The following APC variants were observed in gnomAD, a reference collection of about 807,000 sequenced individuals.
APC encodes adenomatous polyposis coli protein.
In APC, 72 loss-of-function variants were observed where a neutral mutation model predicts 247.0. The ratio of observed to expected loss-of-function variants is 0.29; its 90% CI spans 0.24 to 0.35. The LOEUF (loss-of-function observed/expected upper bound fraction) is 0.35, where lower values mean the gene tolerates loss of function less well. APC is among the 10% of genes least tolerant of loss of function. APC has a pLI of 1.00. For missense variants in APC, 3,400 were observed against 3,360.7 expected (o/e 1.01, Z -0.29); for synonymous variants, 1,254 against 1,162.5 (o/e 1.08, Z -1.60).
chr5:112,749,424 G>A (rs756699844), intron 1 of APC, among the ~76,000 whole-genome samples: 1 of 151,434 alleles, frequency 6.6e-6, no homozygotes, highest in Non-Finnish European at 1.5e-5. Context: ...ATTCAGATAC[G>A]GTATTTTGAA....
At chr5:112,713,462 G>A (rs1038172547) in intron 1 of APC, among the ~76,000 whole-genome samples, 2 of 152,136 alleles carry the variant, frequency 1.3e-5, no homozygotes, top group South Asian at 2.1e-4. Context: ...CTGGCGTGCC[G>A]CTGCTTTAAT....
intron 4 of APC, 144 bp from the exon 5 acceptor site, chr5:112,775,485 T>G (rs1258162682): frequency 5.4e-6 from 3 of 558,998 alleles, no homozygotes; most frequent in African/African-American, 1.9e-5. Context: ...CTTTAAAAAT[T>G]GAAATCAATG....
At chr5:112,784,476 A>G (rs1006571452) in intron 6 of APC, among the ~76,000 whole-genome samples, 3 of 152,228 alleles carry the variant, frequency 2.0e-5, no homozygotes, top group East Asian at 3.8e-4. Flanking sequence ...GTGTGTTTCT[A>G]TAGGACTTCT....
At chr5:112,752,106 T>C (rs895377328) in intron 1 of APC, among the ~76,000 whole-genome samples, 5 of 152,120 alleles carry the variant, frequency 3.3e-5, no homozygotes, top group Non-Finnish European at 5.9e-5. Flanking sequence ...TTCTAGTAAA[T>C]TATTTTGGGT....
In APC at chr5:112,819,193, C is replaced by T. The variant is rs1762846371; in HGVS notation, c.1161C>T (p.Leu387=). The T allele has an allele frequency of 6.2e-7, 1 of 1,613,976 alleles. No individual in the cohort carries two copies. Among genetic ancestry groups the T allele is most frequent in the Non-Finnish European group, 8.5e-7 (1 of 1,179,970 alleles). ...KEARARASAA[L]HNIIHSQPDD... is the part of the protein sequence containing the mutation. Reference sequence around the variant, plus strand: ...CTCGGGCCAGGGCCAGTGCAGCACTCCACAACATCATTCACTCACAGCCTG... The same window carrying T: ...CTCGGGCCAGGGCCAGTGCAGCACTTCACAACATCATTCACTCACAGCCTG... Residue 387 remains leucine (L), a synonymous_variant, in exon 10 of 16, where the codon CTC becomes CTT. Coordinates refer to ENST00000257430, the MANE Select transcript of APC (RefSeq NM_000038.6).
Position 112,819,342 on chromosome 5 carries a change from C to G in APC, c.1310C>G (p.Pro437Arg), listed in dbSNP as rs762936223. 4 of 1,613,964 alleles carry G rather than the reference C, an allele frequency of 2.5e-6. No individual in the cohort carries two copies. The highest frequency in any genetic ancestry group is 3.4e-6 in the Non-Finnish European group (4 of 1,179,928). The change falls in exon 10 of 16, where the codon CCA becomes CGA. Residue 437 changes from proline (P) to arginine (R), a missense_variant and splice_region_variant. Physicochemically the swap from Pro to Arg is moderately radical, Grantham distance 103. Transcript: ENST00000257430. ...HEPGMDQDKNPMPAPVEHQIC... is the reference protein window; with the variant it reads ...HEPGMDQDKNRMPAPVEHQIC... ...CCAGGCATGGACCAGGACAAAAATC[C>G]AAGTATGTTCTCTATAGTGTACATC... is the stretch of plus-strand genomic sequence containing the variant.
chr5:112,708,774 ATTG>A (rs1382936943), intron 1 of APC, among the ~76,000 whole-genome samples: 1 of 152,166 alleles, frequency 6.6e-6, no homozygotes, highest in Non-Finnish European at 1.5e-5. Flanking sequence ...TGTATTCTCG[ATTG>A]TTGTTACTGT....
chr5:112,773,908 C>T (rs1325551527), intron 4 of APC, among the ~76,000 whole-genome samples: 3 of 152,048 alleles, frequency 2.0e-5, no homozygotes, highest in Non-Finnish European at 2.9e-5. Context: ...ACCAGTGATA[C>T]ACCATTTAAA....
chr5:112,775,636 C>T lies in APC; in HGVS notation c.430C>T (p.Leu144Phe), dbSNP rs2149614495. ...LEELEKERSLLLADLDKEEKE... is the reference protein window; with the variant it reads ...LEELEKERSLFLADLDKEEKE... ...TTAAAAAAAAAAAAATAGGTCATTG[C>T]TTCTTGCTGATCTTGACAAAGAAGA... is the stretch of plus-strand genomic sequence containing the variant. The change falls in exon 5 of 16, where the codon CTT becomes TTT. Residue 144 changes from leucine (L) to phenylalanine (F), a missense_variant. Around this residue, in one of 9 missense-constraint regions of APC, gnomAD observed 372 missense variants for 367.6 expected, o/e 1.01. Coordinates refer to ENST00000257430, the MANE Select transcript of APC (RefSeq NM_000038.6). 6.3e-7 allele frequency: 1 copy of T among 1,595,078 alleles called. No homozygotes were observed. Among genetic ancestry groups the T allele is most frequent in the Non-Finnish European group, 8.6e-7 (1 of 1,168,272 alleles).
rs1554086321 is a variant in APC at position 112,840,526 on chromosome 5, T to G, written c.4932T>G (p.Val1644=). ...PGDDMPRVYC[V]EGTPINFSTA... ...ATGATATGCCACGGGTGTATTGTGT[T>G]GAAGGGACACCTATAAACTTTTCCA... Residue 1644 remains valine, a synonymous_variant, in exon 16 of 16, where the codon GTT becomes GTG. Coordinates refer to ENST00000257430, the MANE Select transcript of APC (RefSeq NM_000038.6). The surrounding 1 kb of genome is among the most constrained non-coding windows in gnomAD (Gnocchi z 4.1). 1 of 1,614,170 alleles carries G rather than the reference T, an allele frequency of 6.2e-7. No homozygotes were observed. The highest frequency in any genetic ancestry group is 8.5e-7 in the Non-Finnish European group (1 of 1,180,014).
intron 10 of APC, among the ~76,000 whole-genome samples, 192 bp downstream of exon 10, chr5:112,819,536 A>G (rs568271856): frequency 6.6e-6 from 1 of 152,326 alleles, no homozygotes; most frequent in East Asian, 1.9e-4. Flanking sequence ...GGAAAATGTT[A>G]TGTGCACTAC....
rs1184346867 is a variant in APC, at chr5:112,845,304, C to G, written c.*1178C>G. The G allele has an allele frequency of 4.3e-6, 1 of 232,616 alleles. No individual in the cohort carries two copies. The highest frequency in any genetic ancestry group is 8.5e-6 in the Non-Finnish European group (1 of 117,480). 14.4% of individuals were successfully genotyped at this position (232,616 alleles called of 1,614,324 possible). ...TTCATGTAATAGCAATGCAAGCAGCCTAGCACAGACTAAGCATTGAGCATA... is the reference window on the plus strand; with the variant it reads ...TTCATGTAATAGCAATGCAAGCAGCGTAGCACAGACTAAGCATTGAGCATA... On this transcript the variant is annotated 3_prime_UTR_variant, in exon 16 of 16. Transcript: ENST00000257430.
chr5:112,802,754 A>G (rs920139450), intron 8 of APC, among the ~76,000 whole-genome samples: 6 of 152,126 alleles, frequency 3.9e-5, no homozygotes, highest in Non-Finnish European at 8.8e-5. Context: ...ATTTCACGTT[A>G]CAGCATGAGA....
upstream of APC, among the ~76,000 whole-genome samples, chr5:112,736,501 G>T (rs1752393073): frequency 6.6e-6 from 1 of 152,096 alleles, no homozygotes; most frequent in Non-Finnish European, 1.5e-5. Flanking sequence ...TGTGTCTATT[G>T]CTTTTCTAAT....
chr5:112,742,493 C>G (rs113241485), intron 1 of APC, among the ~76,000 whole-genome samples: 1 of 152,298 alleles, frequency 6.6e-6, no homozygotes, highest in Admixed American at 6.5e-5. Context: ...GTAGCAGTCA[C>G]GATGTCAGTC....
chr5:112,831,409 T>G (rs559087423), intron 14 of APC, among the ~76,000 whole-genome samples: 1 of 152,358 alleles, frequency 6.6e-6, no homozygotes, highest in African/African-American at 2.4e-5. Flanking sequence ...ATGGTCAATC[T>G]TGGAAAAACT....
intron 14 of APC, among the ~76,000 whole-genome samples, chr5:112,834,561 C>T (rs1001334235): frequency 7.2e-5 from 11 of 152,090 alleles, no homozygotes; most frequent in East Asian, 1.9e-4. Flanking sequence ...GGCCTTAATC[C>T]ACTTCCTGTT....
In APC at chr5:112,842,414, G is replaced by A. The variant is rs2149974011; in HGVS notation, c.6820G>A (p.Ala2274Thr). 5 of 1,614,064 alleles carry A rather than the reference G, an allele frequency of 3.1e-6. No individual in the cohort carries two copies. Among genetic ancestry groups the A allele is most frequent in the Non-Finnish European group, 4.2e-6 (5 of 1,179,962 alleles). Reference protein sequence around the residue: ...GQTATTSPRGAKPSVKSELSP... With the variant: ...GQTATTSPRGTKPSVKSELSP... ...AACAGCCACCACTTCTCCTAGAGGA[G>A]CCAAGCCATCTGTGAAATCAGAATT... Residue 2274 changes from alanine to threonine, a missense_variant, in exon 16 of 16, where the codon GCC (alanine) becomes ACC (threonine). Ala to Thr is a moderately conservative substitution (Grantham distance 58, BLOSUM62 0). Around this residue, in one of 9 missense-constraint regions of APC, gnomAD observed 1,788 missense variants for 1,649.5 expected, o/e 1.08. Transcript: ENST00000257430.
At chr5:112,758,453 A>G (rs1359482895) in intron 2 of APC, among the ~76,000 whole-genome samples, 1 of 152,176 alleles carries the variant, frequency 6.6e-6, no homozygotes, top group Admixed American at 6.5e-5. Flanking sequence ...CAGCTTCCCA[A>G]GTAGCTGGGA....
Sources: gnomAD v4.1 joint callset for allele counts (sites outside exome capture counted in the v4.1 genomes callset) on GRCh38, gnomAD v4.1.1 for gene constraint, gnomAD v4.1.1 regional missense constraint, Gnocchi (gnomAD v3.1) non-coding constraint, MANE v1.5 for transcripts, NCBI Gene and HGNC (gene_info 2026-07-23, HGNC 2026-07-21) for gene names.